Variants in FGF12 observed in about 807,000 individuals in gnomAD.
FGF12 encodes fibroblast growth factor 12B.
Under a neutral mutation model 23.6 loss-of-function variants are expected in FGF12, and 14 were observed. The ratio of observed to expected loss-of-function variants is 0.59; its 90% CI spans 0.39 to 0.93. The LOEUF is 0.93. Among genes scored for constraint, FGF12 ranks in the 40% least tolerant of loss-of-function variants. The pLI, the probability that FGF12 is intolerant of heterozygous loss-of-function variation, is 0.00. For missense variants in FGF12, 175 were observed against 217.8 expected (o/e 0.80, Z 1.24); for synonymous variants, 62 against 77.3 (o/e 0.80, Z 1.04).
chr3:192,338,469 T>C (rs896811305), intron 3 of FGF12, among the ~76,000 whole-genome samples: 2 of 152,222 alleles, frequency 1.3e-5, no homozygotes, highest in African/African-American at 4.8e-5. Context: ...TACTGGCCAA[T>C]GAGATGTAAG....
chr3:192,292,357 A>G (rs539531893), intron 4 of FGF12, among the ~76,000 whole-genome samples: 4 of 152,138 alleles, frequency 2.6e-5, no homozygotes, highest in African/African-American at 9.6e-5. Context: ...AATATGTTGC[A>G]ATGAGTCAGC....
chr3:192,553,933 A>G (rs528679481), intron 2 of FGF12, among the ~76,000 whole-genome samples: 1 of 152,302 alleles, frequency 6.6e-6, no homozygotes, highest in South Asian at 2.1e-4. Flanking sequence ...CCAAAATTCT[A>G]TACCCTTCCC....
At chr3:192,449,085 G>A (rs1041855882) in intron 2 of FGF12, among the ~76,000 whole-genome samples, 20 of 152,238 alleles carry the variant, frequency 1.3e-4, no homozygotes, top group Non-Finnish European at 2.2e-4. Flanking sequence ...CGATACCTGC[G>A]GGGATCTGTC....
At chr3:192,713,782 G>C (rs576357445) in intron 2 of FGF12, among the ~76,000 whole-genome samples, 3 of 152,124 alleles carry the variant, frequency 2.0e-5, no homozygotes, top group Non-Finnish European at 4.4e-5. Context: ...CCTGTACAAG[G>C]TGCTTTCTAG....
At chr3:192,613,437 A>G (rs1356753404) in intron 2 of FGF12, among the ~76,000 whole-genome samples, 1 of 151,896 alleles carries the variant, frequency 6.6e-6, no homozygotes, top group Non-Finnish European at 1.5e-5. Context: ...ATATGACACT[A>G]AAGACTGAAA....
At position 192,581,065 on chromosome 3, in the gene FGF12, T is replaced by C. The variant is rs183794370; in HGVS notation, c.13+146116A>G. Reference sequence around the variant, plus strand: ...ATAAAATGTCTATTAAAATGTTCTATTTTTATAATAGAGAAAAATTGGACA... The same window carrying C: ...ATAAAATGTCTATTAAAATGTTCTACTTTTATAATAGAGAAAAATTGGACA... On this transcript the variant is annotated intron_variant, in intron 2 of 5. Transcript: ENST00000445105. Among the ~76,000 whole-genome samples the C allele has an allele frequency of 3.8e-3, 572 of 152,316 alleles. 5 individuals carry two copies. Among genetic ancestry groups the C allele is most frequent in the Middle Eastern group, 6.8e-3 (2 of 294 alleles).
intron 4 of FGF12, among the ~76,000 whole-genome samples, chr3:192,171,304 A>G (rs934991423): frequency 1.3e-5 from 2 of 152,220 alleles, no homozygotes; most frequent in African/African-American, 4.8e-5. Flanking sequence ...ACCTCAGTGA[A>G]ACACAGAATG....
chr3:192,412,684 G>A (rs954181042), intron 2 of FGF12, among the ~76,000 whole-genome samples: 2 of 152,132 alleles, frequency 1.3e-5, no homozygotes, highest in Non-Finnish European at 2.9e-5. Context: ...CTAAATATAT[G>A]GATATTGAGC....
chr3:192,548,293 CAT>C (rs905800328), intron 2 of FGF12, among the ~76,000 whole-genome samples: 6 of 152,006 alleles, frequency 3.9e-5, no homozygotes, highest in Non-Finnish European at 2.9e-5. Context: ...CATTGATACA[CAT>C]GTTTAAAAAT....
intron 2 of FGF12, among the ~76,000 whole-genome samples, chr3:192,547,284 T>A (rs1440776061): frequency 6.6e-6 from 1 of 152,214 alleles, no homozygotes; most frequent in Admixed American, 6.5e-5. Flanking sequence ...TCCATCAGCA[T>A]CTGACTCATT....
chr3:192,305,854 G>GTTTTTTTTTTTTTT (rs755560177), intron 4 of FGF12, among the ~76,000 whole-genome samples: 1 of 77,444 alleles, frequency 1.3e-5, no homozygotes, highest in African/African-American at 6.3e-5. Context: ...CATCTCTCTG[G>GTTTTTTTTTTTTTT]TTTTTTTTTT....
intron 2 of FGF12, among the ~76,000 whole-genome samples, chr3:192,643,776 A>G (rs1715892251): frequency 6.6e-6 from 1 of 152,238 alleles, no homozygotes; most frequent in African/African-American, 2.4e-5. Context: ...CACAGAAAAG[A>G]CTATCAAATA....
chr3:192,259,921 A>G (rs1712640957), intron 4 of FGF12, among the ~76,000 whole-genome samples: 1 of 152,128 alleles, frequency 6.6e-6, no homozygotes, highest in African/African-American at 2.4e-5. Context: ...AGGTGGGATT[A>G]TATGTGGCAT....
intron 2 of FGF12, among the ~76,000 whole-genome samples, chr3:192,611,476 G>C (rs1337056044): frequency 6.6e-6 from 1 of 152,082 alleles, no homozygotes; most frequent in East Asian, 1.9e-4. Flanking sequence ...TATCTACAAG[G>C]TCCTTGCATT....
intron 4 of FGF12, among the ~76,000 whole-genome samples, chr3:192,195,322 T>C (rs930171359): frequency 4.6e-5 from 7 of 152,226 alleles, no homozygotes; most frequent in African/African-American, 1.7e-4. Context: ...GATACAGTTA[T>C]ACGTATTTAT....
At chr3:192,280,966 A>G (rs1169291032) in intron 4 of FGF12, among the ~76,000 whole-genome samples, 1 of 152,138 alleles carries the variant, frequency 6.6e-6, no homozygotes, top group Non-Finnish European at 1.5e-5. Flanking sequence ...GGATTTGACA[A>G]GAGAAATGCT....
Position 192,710,653 on chromosome 3 carries a change from T to C in FGF12, c.13+16528A>G, listed in dbSNP as rs890943389. On this transcript the variant is annotated intron_variant, in intron 2 of 5. Transcript: ENST00000445105. ...AAAAGGGTAAATTATGCAAAAATGGTGGAAAGGTTGTTTTTAGGACGGTAT... is the reference window on the plus strand; with the variant it reads ...AAAAGGGTAAATTATGCAAAAATGGCGGAAAGGTTGTTTTTAGGACGGTAT... Among the ~76,000 whole-genome samples the C allele has an allele frequency of 5.9e-5, 9 of 152,162 alleles. 1 individual carries two copies. The highest frequency in any genetic ancestry group is 1.9e-4 in the East Asian group (1 of 5,192).
intron 4 of FGF12, among the ~76,000 whole-genome samples, chr3:192,266,271 A>G (rs573701413): frequency 1.3e-5 from 2 of 152,140 alleles, no homozygotes; most frequent in Non-Finnish European, 2.9e-5. Flanking sequence ...TCTTAAATGC[A>G]GATATTATTT....
At chr3:192,531,729 T>A (rs1368300510) in intron 2 of FGF12, among the ~76,000 whole-genome samples, 5 of 152,202 alleles carry the variant, frequency 3.3e-5, no homozygotes, top group Admixed American at 3.3e-4. Context: ...AAGATAAAAT[T>A]TGGGAAATCA....
Sources: allele counts gnomAD v4.1 joint callset (sites outside exome capture counted in the v4.1 genomes callset), GRCh38; gene constraint gnomAD v4.1.1; transcripts MANE v1.5; gene names NCBI Gene and HGNC (gene_info 2026-07-23, HGNC 2026-07-21).